The following FNDC1 variants were observed in gnomAD, a reference collection of about 807,000 sequenced individuals.
The protein encoded by FNDC1 is fibronectin type III domain containing 1.
In FNDC1, 96 loss-of-function variants were observed where a neutral mutation model predicts 168.0. The ratio of observed to expected loss-of-function variants is 0.57; its 90% confidence interval spans 0.48 to 0.68. The LOEUF is 0.68. Ranked by LOEUF, FNDC1 falls within the 30% of genes least tolerant of loss-of-function variation. The pLI is 0.00. For missense variants in FNDC1, 2,587 were observed against 2,482.1 expected (o/e 1.04, Z -0.90); for synonymous variants, 1,099 against 1,025.9 (o/e 1.07, Z -1.36).
At position 159,233,907 on chromosome 6, in the gene FNDC1, C is replaced by A. The variant is rs375507697; in HGVS notation, c.3395C>A (p.Ala1132Glu). ...GGDHRSQRGH[A>E]ASPARPSRPG... Reference sequence around the variant, plus strand: ...GACCACAGGTCCCAGCGCGGACATGCGGCCTCCCCCGCCAGGCCCAGCCGA... The same window carrying A: ...GACCACAGGTCCCAGCGCGGACATGAGGCCTCCCCCGCCAGGCCCAGCCGA... Residue 1132 changes from alanine to glutamate, a missense_variant, in exon 11 of 23, where the codon GCG becomes GAG. Physicochemically the swap from Ala to Glu is moderately radical, Grantham distance 107. Coordinates refer to ENST00000297267, the MANE Select transcript of FNDC1 (RefSeq NM_032532.3). The surrounding 1 kb of genome is among the most constrained non-coding windows in gnomAD (Gnocchi z 4.6). 1.4e-5 allele frequency: 22 copies of A among 1,547,338 alleles called. No individual in the cohort carries two copies. In the African/African-American group the frequency reaches 2.6e-4, roughly 18 times the overall value.
At chr6:159,182,831 A>G (rs1442244368) in intron 1 of FNDC1, among the ~76,000 whole-genome samples, 1 of 152,240 alleles carries the variant, frequency 6.6e-6, no homozygotes, top group East Asian at 1.9e-4. Context: ...TTGGATTTAC[A>G]ATCAATAGGC....
intron 12 of FNDC1, 65 bp from the exon 13 acceptor site, chr6:159,238,489 T>C: frequency 9.4e-7 from 1 of 1,060,312 alleles, no homozygotes; most frequent in Non-Finnish European, 1.4e-6. Flanking sequence ...TATACATATA[T>C]AATTGGACTA....
intron 7 of FNDC1, 53 bp downstream of exon 7, chr6:159,223,698 C>A: frequency 9.4e-7 from 1 of 1,058,944 alleles, no homozygotes; most frequent in Non-Finnish European, 1.4e-6. Context: ...GTTTTTCTGG[C>A]CCTGAAAAGA....
rs750839843 is a variant in FNDC1 at position 159,229,868 on chromosome 6, A to G, written c.1234A>G (p.Thr412Ala). Residue 412 changes from threonine to alanine, a missense_variant, in exon 10 of 23, where the codon ACC (threonine) becomes GCC (alanine). Transcript: ENST00000297267. Reference sequence around the variant, plus strand: ...CAAACCATTTGGAGCAAAGTCCCTCACCTATCCTGGAGACACTACTTCTGC... The same window carrying G: ...CAAACCATTTGGAGCAAAGTCCCTCGCCTATCCTGGAGACACTACTTCTGC... The part of the protein sequence containing the change: ...ALKPFGAKSL[T>A]YPGDTTSALV... 2.5e-6 allele frequency: 4 copies of G among 1,613,660 alleles called. No homozygotes were observed. In the South Asian group the frequency reaches 3.3e-5, roughly 13 times the overall value.
chr6:159,210,843 A>C (rs1189502482), intron 4 of FNDC1, among the ~76,000 whole-genome samples: 2 of 152,146 alleles, frequency 1.3e-5, no homozygotes, highest in African/African-American at 2.4e-5. Context: ...GCTCCCGGAC[A>C]CACATTCTCA....
At chr6:159,208,540 G>A (rs1476926608) in intron 4 of FNDC1, among the ~76,000 whole-genome samples, 4 of 152,290 alleles carry the variant, frequency 2.6e-5, no homozygotes, top group South Asian at 2.1e-4. Flanking sequence ...GATGACCACC[G>A]TCTTGGCATT....
At chr6:159,257,307 G>T (rs552123393) in intron 18 of FNDC1, among the ~76,000 whole-genome samples, 1 of 152,186 alleles carries the variant, frequency 6.6e-6, no homozygotes, top group Admixed American at 6.5e-5. Context: ...GTCAAGAGTG[G>T]TGTGCTGGTA....
At chr6:159,188,355 G>C (rs911650165) in intron 1 of FNDC1, among the ~76,000 whole-genome samples, 1 of 142,672 alleles carries the variant, frequency 7.0e-6, no homozygotes, top group African/African-American at 2.8e-5. Context: ...GGTGGTATCT[G>C]CCTCAATTTC....
Position 159,271,491 on chromosome 6 carries a change from A to G in FNDC1, c.*49A>G, listed in dbSNP as rs370518227. 3 of 1,402,686 alleles carry G rather than the reference A, an allele frequency of 2.1e-6. No individual in the cohort carries two copies. The highest frequency in any genetic ancestry group is 1.2e-5 in the South Asian group (1 of 81,740). 86.9% of individuals were successfully genotyped at this position (1,402,686 alleles called of 1,614,324 possible). ...CTTGCCCTGCCCAGCCCCACCAACT[A>G]AGTCGCACTAGGGGCTGTGAGCAAA... is the stretch of plus-strand genomic sequence containing the variant. On this transcript the variant is annotated 3_prime_UTR_variant, in exon 23 of 23. Transcript: ENST00000297267.
intron 17 of FNDC1, among the ~76,000 whole-genome samples, chr6:159,254,668 ACTG>A (rs1480734147): frequency 2.1e-5 from 3 of 143,006 alleles, no homozygotes; most frequent in African/African-American, 7.9e-5. Flanking sequence ...AGATAGTGCC[ACTG>A]CACTCCAGCC....
chr6:159,200,566 A>G lies in FNDC1; in HGVS notation c.445A>G (p.Asn149Asp). The change falls in exon 4 of 23, where the codon AAT becomes GAT. Residue 149 changes from asparagine to aspartate, a missense_variant. Physicochemically the swap from Asn to Asp is conservative, Grantham distance 23. Coordinates refer to ENST00000297267, the MANE Select transcript of FNDC1 (RefSeq NM_032532.3). ...TCCCATTAAGGGTCCAGGACCATTT[A>G]ATGAAACCGTCACAGGTACTACTTC... ...GFPIKGPGPF[N>D]ETVTEKEVPN... The G allele has an allele frequency of 1.9e-6, 3 of 1,595,882 alleles. No homozygotes were observed. The highest frequency in any genetic ancestry group is 2.6e-6 in the Non-Finnish European group (3 of 1,170,252).
intron 10 of FNDC1, 69 bp from the exon 11 acceptor site, chr6:159,231,813 C>A: frequency 1.5e-6 from 2 of 1,344,866 alleles, no homozygotes; most frequent in South Asian, 1.5e-5. Flanking sequence ...GTTTTAAATA[C>A]TGTGTCTCAC....
At chr6:159,172,203 A>G (rs1781676745) in intron 1 of FNDC1, among the ~76,000 whole-genome samples, 1 of 152,234 alleles carries the variant, frequency 6.6e-6, no homozygotes, top group African/African-American at 2.4e-5. Flanking sequence ...CTGATGACCA[A>G]GTTCAGTGGC....
intron 4 of FNDC1, among the ~76,000 whole-genome samples, chr6:159,209,204 T>C (rs1448342460): frequency 1.3e-5 from 2 of 152,300 alleles, no homozygotes; most frequent in South Asian, 4.1e-4. Context: ...AAAATGTAAA[T>C]GCAATTTTGA....
intron 4 of FNDC1, among the ~76,000 whole-genome samples, chr6:159,204,775 A>T (rs1782454841): frequency 6.6e-6 from 1 of 152,188 alleles, no homozygotes; most frequent in Non-Finnish European, 1.5e-5. Flanking sequence ...TTCTCACTTC[A>T]TCCAGGTCCT....
At chr6:159,250,931 A>G (rs1041934163) in intron 16 of FNDC1, among the ~76,000 whole-genome samples, 1 of 152,196 alleles carries the variant, frequency 6.6e-6, no homozygotes, top group African/African-American at 2.4e-5. Context: ...TGTTGAGAGA[A>G]TGCTAGTAAA....
intron 1 of FNDC1, among the ~76,000 whole-genome samples, chr6:159,178,323 C>T (rs572523026): frequency 1.1e-4 from 17 of 152,286 alleles, no homozygotes; most frequent in African/African-American, 1.9e-4. Flanking sequence ...TATAGTTCAC[C>T]GTGGCATACA....
chr6:159,188,369 C>CTT lies in FNDC1; in HGVS notation c.110-9040_110-9039dup, dbSNP rs61551779. Among the ~76,000 whole-genome samples, 304 of 128,626 alleles carry CTT rather than the reference C, an allele frequency of 2.4e-3. 1 individual carries two copies. The highest frequency in any genetic ancestry group is 4.0e-3 in the Non-Finnish European group (234 of 58,704). 84.4% of individuals were successfully genotyped at this position (128,626 alleles called of 152,430 possible). On this transcript the variant is annotated intron_variant, in intron 1 of 22. Coordinates refer to ENST00000297267, the MANE Select transcript of FNDC1 (RefSeq NM_032532.3). Reference sequence around the variant, plus strand: ...AGGTGGTATCTGCCTCAATTTCTTTCTTTTTTTTTTTTTTTTTTTTTTTGA... The same window carrying CTT: ...AGGTGGTATCTGCCTCAATTTCTTTCTTTTTTTTTTTTTTTTTTTTTTTTTGA...
At position 159,232,037 on chromosome 6, in the gene FNDC1, T is replaced by C; in HGVS notation, c.1525T>C (p.Leu509=). ...GRNAKDLLLD[L]KNKILANGGA... ...AAATGCCAAGGACCTTCTTCTTGAC[T>C]TGAAGAACAAAATATTGGCTAATGG... Residue 509 remains leucine, a synonymous_variant, in exon 11 of 23, where the codon TTG becomes CTG. Transcript: ENST00000297267. The surrounding 1 kb of genome is among the most constrained non-coding windows in gnomAD (Gnocchi z 4.9). The C allele has an allele frequency of 1.2e-6, 2 of 1,613,894 alleles. No individual in the cohort carries two copies. The highest frequency in any genetic ancestry group is 1.7e-6 in the Non-Finnish European group (2 of 1,179,866).
Sources: allele counts gnomAD v4.1 joint callset (sites outside exome capture counted in the v4.1 genomes callset), GRCh38; gene constraint gnomAD v4.1.1; non-coding constraint Gnocchi (gnomAD v3.1); transcripts MANE v1.5; gene names NCBI Gene and HGNC (gene_info 2026-07-23, HGNC 2026-07-21).